TBC1D13: variants seen among roughly 807,000 people sequenced by gnomAD.
The protein encoded by TBC1D13 is TBC1 domain family member 13.
Under a neutral mutation model 53.6 loss-of-function variants are expected in TBC1D13, and 40 were observed. The ratio of observed to expected loss-of-function variants is 0.75; its 90% confidence interval spans 0.58 to 0.97. The LOEUF (loss-of-function observed/expected upper bound fraction) is 0.97, where lower values mean the gene tolerates loss of function less well. Ranked by LOEUF, TBC1D13 falls within the 50% of genes least tolerant of loss-of-function variation. TBC1D13 has a pLI of 0.00. For missense variants in TBC1D13, 377 were observed against 499.4 expected, an observed-to-expected ratio of 0.75 and a Z score of 2.34; for synonymous variants, 182 against 197.7, an observed-to-expected ratio of 0.92 and a Z score of 0.67.
chr9:128,797,919 C>G (rs1589570885), intron 7 of TBC1D13, among the ~76,000 whole-genome samples: 1 of 152,336 alleles, frequency 6.6e-6, no homozygotes, highest in African/African-American at 2.4e-5. Context: ...ACCAGCCTGA[C>G]TAACCCGGGG....
intron 7 of TBC1D13, among the ~76,000 whole-genome samples, chr9:128,800,473 C>G (rs913759778): frequency 6.8e-6 from 1 of 146,096 alleles, no homozygotes; most frequent in African/African-American, 2.6e-5. Flanking sequence ...TGGATTCAAG[C>G]AATTCTCGTG....
At position 128,808,457 on chromosome 9, in the gene TBC1D13, T is replaced by TGTGTGTGTGTGTGTGTGTGTG. The variant is rs1554796455; in HGVS notation, c.*578_*579insGTGTGTGTGTGTGTGTGTGTG. On this transcript the variant is annotated 3_prime_UTR_variant, in exon 12 of 12. Coordinates refer to ENST00000372648, the MANE Select transcript of TBC1D13 (RefSeq NM_018201.5). ...TGTGTGTGTGTGTGTGTGTGTGTGTTAGGGAGTGAGGGTCTCTCAGGCCTC... is the reference window on the plus strand; with the variant it reads ...TGTGTGTGTGTGTGTGTGTGTGTGTTGTGTGTGTGTGTGTGTGTGTGAGGGAGTGAGGGTCTCTCAGGCCTC... The TGTGTGTGTGTGTGTGTGTGTG allele has an allele frequency of 3.1e-4, 16 of 51,160 alleles. No homozygotes were observed. Among genetic ancestry groups the TGTGTGTGTGTGTGTGTGTGTG allele is most frequent in the East Asian group, 6.9e-4 (1 of 1,448 alleles). 3.2% of individuals were successfully genotyped at this position (51,160 alleles called of 1,614,324 possible).
chr9:128,788,935 C>G, intron 2 of TBC1D13, among the ~76,000 whole-genome samples: 1 of 152,178 alleles, frequency 6.6e-6, no homozygotes, highest in Non-Finnish European at 1.5e-5. Flanking sequence ...CCCCAATGAG[C>G]ACAAAGATAA....
intron 6 of TBC1D13, among the ~76,000 whole-genome samples, chr9:128,795,808 G>A (rs370293975): frequency 6.7e-4 from 102 of 151,976 alleles, no homozygotes; most frequent in Middle Eastern, 3.4e-3. Flanking sequence ...GCCCAGGCTG[G>A]TCTTGAACTC....
intron 3 of TBC1D13, 94 bp from the exon 4 acceptor site, chr9:128,791,286 A>T: frequency 8.4e-7 from 1 of 1,190,434 alleles, no homozygotes; most frequent in South Asian, 1.2e-5. Context: ...TTGGGACTTT[A>T]TGAGATGTTT....
At position 128,797,341 on chromosome 9, in the gene TBC1D13, A is replaced by G. The variant is rs1829650792; in HGVS notation, c.543+127A>G. ...TTGACAGTTACTCAGCGCAATCCTG[A>G]TGCTGCCAGATCCTGGGGTGCTTTC... On this transcript the variant is annotated intron_variant, in intron 7 of 11. Coordinates refer to ENST00000372648, the MANE Select transcript of TBC1D13 (RefSeq NM_018201.5). The G allele has an allele frequency of 3.1e-6, 3 of 983,092 alleles. No homozygotes were observed. In the South Asian group the frequency reaches 5.1e-5, roughly 17 times the overall value. The allele number at this position is 983,092 out of a possible 1,614,324, so 60.9% of individuals were successfully genotyped here.
intron 6 of TBC1D13, among the ~76,000 whole-genome samples, chr9:128,795,160 ATCC>A (rs1829604763): frequency 6.7e-6 from 1 of 150,354 alleles, no homozygotes; most frequent in Non-Finnish European, 1.5e-5. Flanking sequence ...GGCTCAAGTG[ATCC>A]TCCTGCCCCA....
chr9:128,792,418 C>T, intron 5 of TBC1D13, 74 bp from the exon 6 acceptor site: 1 of 1,371,810 alleles, frequency 7.3e-7, no homozygotes. Context: ...GGCCACTGCT[C>T]AGGTTTCCGG....
rs544064818 is a variant in TBC1D13 at position 128,787,276 on chromosome 9, GGGC to G, written c.-62_-60del. 203 of 1,238,836 alleles carry G rather than the reference GGGC, an allele frequency of 1.6e-4. No homozygotes were observed. Among genetic ancestry groups the G allele is most frequent in the Non-Finnish European group, 1.7e-4 (165 of 980,466 alleles). 76.7% of individuals were successfully genotyped at this position (1,238,836 alleles called of 1,614,324 possible). On this transcript the variant is annotated 5_prime_UTR_variant, in exon 1 of 12. Coordinates refer to ENST00000372648, the MANE Select transcript of TBC1D13 (RefSeq NM_018201.5). ...TTGCGCAGAGCCCCGCGTCCCTGGGGGGCGGCGGCGGCGGCGGCAGCGCAGGCG... is the reference window on the plus strand; with the variant it reads ...TTGCGCAGAGCCCCGCGTCCCTGGGGGGCGGCGGCGGCGGCAGCGCAGGCG...
chr9:128,790,921 C>A, intron 3 of TBC1D13, 146 bp downstream of exon 3: 2 of 794,354 alleles, frequency 2.5e-6, no homozygotes, highest in South Asian at 2.0e-5. Context: ...CCTGGGTTTT[C>A]TGTTCCTCTT....
At chr9:128,792,417 T>G in intron 5 of TBC1D13, 75 bp from the exon 6 acceptor site, 1 of 1,356,900 alleles carries the variant, frequency 7.4e-7, no homozygotes, top group Non-Finnish European at 1.0e-6. Context: ...AGGCCACTGC[T>G]CAGGTTTCCG....
In TBC1D13 at chr9:128,806,015, C is replaced by T; in HGVS notation, c.1075C>T (p.Leu359Phe). The T allele has an allele frequency of 6.2e-7, 1 of 1,613,854 alleles. No individual in the cohort carries two copies. The highest frequency in any genetic ancestry group is 8.5e-7 in the Non-Finnish European group (1 of 1,179,878). ...DFLLLVCCAMLMLIREQLLEG... is the reference protein window; with the variant it reads ...DFLLLVCCAMFMLIREQLLEG... ...CCTCCTCCTCGTCTGCTGCGCCATG[C>T]TCATGTGAGTGCGGGCATGAGCTGT... The change falls in exon 10 of 12, where the codon CTC (leucine) becomes TTC (phenylalanine). Residue 359 changes from leucine to phenylalanine, a missense_variant. Coordinates refer to ENST00000372648, the MANE Select transcript of TBC1D13 (RefSeq NM_018201.5).
intron 7 of TBC1D13, among the ~76,000 whole-genome samples, chr9:128,802,757 GAC>G (rs1829759617): frequency 7.7e-6 from 1 of 130,436 alleles, no homozygotes; most frequent in African/African-American, 3.0e-5. Context: ...TTTTTTTTGA[GAC>G]AGTGTCTTGT....
intron 7 of TBC1D13, among the ~76,000 whole-genome samples, chr9:128,801,625 G>T (rs1454090149): frequency 6.6e-6 from 1 of 151,810 alleles, no homozygotes; most frequent in African/African-American, 2.4e-5. Context: ...GTTGCAGTGA[G>T]CTGAGGTCGC....
Position 128,808,346 on chromosome 9 carries a change from C to G in TBC1D13, c.*467C>G, listed in dbSNP as rs1829878421. 1 of 221,614 alleles carries G rather than the reference C, an allele frequency of 4.5e-6. No homozygotes were observed. The highest frequency in any genetic ancestry group is 2.2e-5 in the African/African-American group (1 of 44,934). The allele number at this position is 221,614 out of a possible 1,614,324, so 13.7% of individuals were successfully genotyped here. A position where few individuals can be genotyped will look rare whatever the true frequency, so the allele number is the denominator to read the frequency against. On this transcript the variant is annotated 3_prime_UTR_variant, in exon 12 of 12. Coordinates refer to ENST00000372648, the MANE Select transcript of TBC1D13 (RefSeq NM_018201.5). ...GAAAGCTGAGTCCTGCCGTCTGTCT[C>G]ACCCACAGATGTCTGTAGTCGGTCG...
chr9:128,796,301 G>A (rs1223102193), intron 6 of TBC1D13, among the ~76,000 whole-genome samples: 1 of 151,864 alleles, frequency 6.6e-6, no homozygotes, highest in African/African-American at 2.4e-5. Flanking sequence ...CCAAGCTGGA[G>A]TGCAATGGCA....
Position 128,798,603 on chromosome 9 carries a change from A to C in TBC1D13, c.543+1389A>C, listed in dbSNP as rs1050214902. Among the ~76,000 whole-genome samples, 4 of 152,138 alleles carry C rather than the reference A, an allele frequency of 2.6e-5. No individual in the cohort carries two copies. In the East Asian group the frequency reaches 7.7e-4, roughly 29 times the overall value. On this transcript the variant is annotated intron_variant, in intron 7 of 11. Transcript: ENST00000372648. The stretch of plus-strand genomic sequence containing the variant: ...GGGGGCAGGGATGCAGCAGGGTTAG[A>C]TCTGAGAGACTCTGGGTGGAACTGA...
In TBC1D13 at chr9:128,797,099, A is replaced by T. The variant is rs1158447462; in HGVS notation, c.428A>T (p.Tyr143Phe). The T allele has an allele frequency of 1.2e-6, 2 of 1,613,790 alleles. No homozygotes were observed. Among genetic ancestry groups the T allele is most frequent in the African/African-American group, 2.7e-5 (2 of 74,816 alleles). ...TCCTTCTTCCAGAGGGCCACTGACT[A>T]CCCTTGCCTCCTCATCCTGGACCCC... ...DISFFQRATD[Y>F]PCLLILDPQN... is the part of the protein sequence containing the mutation. Residue 143 changes from tyrosine to phenylalanine, a missense_variant, in exon 7 of 12, where the codon TAC becomes TTC. Coordinates refer to ENST00000372648, the MANE Select transcript of TBC1D13 (RefSeq NM_018201.5).
At position 128,801,848 on chromosome 9, in the gene TBC1D13, G is replaced by A. The variant is rs552804413; in HGVS notation, c.544-1402G>A. Among the ~76,000 whole-genome samples, 8 of 149,868 alleles carry A rather than the reference G, an allele frequency of 5.3e-5. No individual in the cohort carries two copies. In the South Asian group the frequency reaches 1.7e-3, roughly 32 times the overall value. The stretch of plus-strand genomic sequence containing the variant: ...ACGATCTCCACTTACTGCAAACTCC[G>A]CCTCCTGGGTTCATGCCATTCTCCT... On this transcript the variant is annotated intron_variant, in intron 7 of 11. Coordinates refer to ENST00000372648, the MANE Select transcript of TBC1D13 (RefSeq NM_018201.5).
Sources: gnomAD v4.1 joint callset for allele counts (sites outside exome capture counted in the v4.1 genomes callset) on GRCh38, gnomAD v4.1.1 for gene constraint, MANE v1.5 for transcripts, NCBI Gene and HGNC (gene_info 2026-07-23, HGNC 2026-07-21) for gene names.